The following SYNDIG1 variants were observed in gnomAD, a reference collection of about 807,000 sequenced individuals.
SYNDIG1 encodes the protein synapse differentiation inducing 1.
SYNDIG1 carries 9 observed loss-of-function variants against 19.4 expected under a neutral mutation model. The observed-to-expected ratio is 0.46, with a 90% CI of 0.28 to 0.81. The LOEUF is 0.81. SYNDIG1 is among the 30% of genes least tolerant of loss of function. The pLI is 0.12. For missense variants in SYNDIG1, 311 were observed against 343.3 expected (o/e 0.91, Z 0.74); for synonymous variants, 141 against 145.9 (o/e 0.97, Z 0.24).
At chr20:24,555,189 C>T (rs1251353416) in intron 2 of SYNDIG1, among the ~76,000 whole-genome samples, 4 of 152,038 alleles carry the variant, frequency 2.6e-5, no homozygotes, top group Non-Finnish European at 4.4e-5. Flanking sequence ...TTTGATTCTT[C>T]TCTCTTTTCT....
intron 2 of SYNDIG1, among the ~76,000 whole-genome samples, chr20:24,582,306 A>G (rs1202414993): frequency 3.5e-5 from 2 of 57,412 alleles, no homozygotes; most frequent in African/African-American, 1.5e-4. Flanking sequence ...TCCCCATTGC[A>G]CGCCCTCCCC....
At chr20:24,604,042 A>T (rs1319799307) in intron 3 of SYNDIG1, among the ~76,000 whole-genome samples, 1 of 152,198 alleles carries the variant, frequency 6.6e-6, no homozygotes, top group Non-Finnish European at 1.5e-5. Context: ...CATTTATCTT[A>T]CCAAAACAAA....
intron 2 of SYNDIG1, among the ~76,000 whole-genome samples, chr20:24,545,268 C>T (rs1246322670): frequency 6.6e-6 from 1 of 152,164 alleles, no homozygotes; most frequent in East Asian, 1.9e-4. Flanking sequence ...GACGTGATGC[C>T]TGGGCATCTG....
intron 1 of SYNDIG1, among the ~76,000 whole-genome samples, chr20:24,510,126 C>G (rs1006411368): frequency 1.3e-5 from 2 of 152,182 alleles, no homozygotes; most frequent in African/African-American, 2.4e-5. Context: ...CCTGTACAGG[C>G]TGCAAAACCA....
intron 3 of SYNDIG1, among the ~76,000 whole-genome samples, chr20:24,630,057 A>G (rs959251211): frequency 2.0e-5 from 3 of 152,244 alleles, no homozygotes; most frequent in Admixed American, 2.0e-4. Context: ...TGCATCATCT[A>G]TAAAGTGAGA....
At chr20:24,511,204 A>G (rs1316304846) in intron 1 of SYNDIG1, among the ~76,000 whole-genome samples, 9 of 152,126 alleles carry the variant, frequency 5.9e-5, no homozygotes. Context: ...TTGAATGTCA[A>G]CCTTTCTCCA....
In SYNDIG1 at chr20:24,663,740, T is replaced by G. The variant is rs112365733; in HGVS notation, c.619-1606T>G. Among the ~76,000 whole-genome samples, 5 of 152,298 alleles carry G rather than the reference T, an allele frequency of 3.3e-5. 1 individual carries two copies. Among genetic ancestry groups the G allele is most frequent in the African/African-American group, 9.6e-5 (4 of 41,560 alleles). On this transcript the variant is annotated intron_variant, in intron 3 of 3. Transcript: ENST00000376862. ...ATGAATGCTGCTGGCAGGTGCCCAG[T>G]CAGCTGTAGCAGCTCCACCTTCCTC... is the stretch of plus-strand genomic sequence containing the variant.
intron 2 of SYNDIG1, among the ~76,000 whole-genome samples, chr20:24,556,792 G>T (rs1001113575): frequency 3.3e-5 from 5 of 152,120 alleles, no homozygotes; most frequent in African/African-American, 1.2e-4. Context: ...TCTTGGAGTT[G>T]CTCTTCTCAA....
intron 2 of SYNDIG1, among the ~76,000 whole-genome samples, chr20:24,579,274 C>T (rs900220596): frequency 6.6e-5 from 10 of 152,136 alleles, no homozygotes; most frequent in Non-Finnish European, 1.3e-4. Flanking sequence ...CAAGTGATGG[C>T]AAGATGGTGT....
chr20:24,534,339 GC>G (rs1489167286), intron 1 of SYNDIG1, among the ~76,000 whole-genome samples: 1 of 152,176 alleles, frequency 6.6e-6, no homozygotes, highest in Non-Finnish European at 1.5e-5. Context: ...ACTCAGGGAA[GC>G]CCCAGGAGCC....
intron 1 of SYNDIG1, among the ~76,000 whole-genome samples, chr20:24,487,450 T>C (rs2055999932): frequency 6.6e-6 from 1 of 152,098 alleles, no homozygotes; most frequent in Non-Finnish European, 1.5e-5. Context: ...TACAGCCCCG[T>C]GGCCATGCTG....
At chr20:24,653,258 T>C (rs1170522593) in intron 3 of SYNDIG1, among the ~76,000 whole-genome samples, 5 of 152,034 alleles carry the variant, frequency 3.3e-5, no homozygotes. Flanking sequence ...GATCATGCAG[T>C]GTGGCTGAGT....
chr20:24,625,969 TG>T (rs1420028771), intron 3 of SYNDIG1, among the ~76,000 whole-genome samples: 1 of 136,934 alleles, frequency 7.3e-6, no homozygotes, highest in Non-Finnish European at 1.6e-5. Context: ...ACCTCCCGGA[TG>T]GGGCGGCTGG....
chr20:24,569,191 A>G (rs905877265), intron 2 of SYNDIG1, among the ~76,000 whole-genome samples: 7 of 152,188 alleles, frequency 4.6e-5, no homozygotes, highest in Admixed American at 2.0e-4. Context: ...CTGTGATTTG[A>G]CCACAGGAGG....
chr20:24,507,739 C>G (rs1475712018), intron 1 of SYNDIG1, among the ~76,000 whole-genome samples: 1 of 152,196 alleles, frequency 6.6e-6, no homozygotes, highest in Admixed American at 6.5e-5. Flanking sequence ...GGCCGAGGCT[C>G]CTCCTCCATT....
In SYNDIG1 at chr20:24,529,696, C is replaced by G. The variant is rs187539457; in HGVS notation, c.-78-13324C>G. Among the ~76,000 whole-genome samples the G allele has an allele frequency of 2.4e-4, 37 of 152,106 alleles. 1 individual carries two copies. The highest frequency in any genetic ancestry group is 6.8e-3 in the Middle Eastern group (2 of 294). On this transcript the variant is annotated intron_variant, in intron 1 of 3. Coordinates refer to ENST00000376862, the MANE Select transcript of SYNDIG1 (RefSeq NM_024893.3). ...GGTGTTAGATGTATTTGTTCTGTGGCCTTGATTTTCCAAATCCTGGCAGTA... is the reference window on the plus strand; with the variant it reads ...GGTGTTAGATGTATTTGTTCTGTGGGCTTGATTTTCCAAATCCTGGCAGTA...
chr20:24,581,230 G>A (rs998447865), intron 2 of SYNDIG1, among the ~76,000 whole-genome samples: 2 of 151,984 alleles, frequency 1.3e-5, no homozygotes, highest in Admixed American at 1.3e-4. Flanking sequence ...GTGAGTGGAC[G>A]TGTTTTAACC....
In SYNDIG1 at chr20:24,510,129, C is replaced by A. The variant is rs1316512183; in HGVS notation, c.-78-32891C>A. On this transcript the variant is annotated intron_variant, in intron 1 of 3. Coordinates refer to ENST00000376862, the MANE Select transcript of SYNDIG1 (RefSeq NM_024893.3). The stretch of plus-strand genomic sequence containing the variant: ...AGCACCATGCTTCCTGTACAGGCTG[C>A]AAAACCATGAGCCAAATACACCTCA... Among the ~76,000 whole-genome samples the A allele has an allele frequency of 2.6e-5, 4 of 152,184 alleles. No homozygotes were observed. In the East Asian group the frequency reaches 5.8e-4, roughly 22 times the overall value.
intron 3 of SYNDIG1, among the ~76,000 whole-genome samples, chr20:24,593,149 A>C (rs1369307659): frequency 6.6e-6 from 1 of 152,144 alleles, no homozygotes; most frequent in African/African-American, 2.4e-5. Flanking sequence ...TGTACAGCTT[A>C]TTTCATCACC....
Sources: allele counts gnomAD v4.1 joint callset (sites outside exome capture counted in the v4.1 genomes callset), GRCh38; gene constraint gnomAD v4.1.1; transcripts MANE v1.5; gene names NCBI Gene and HGNC (gene_info 2026-07-23, HGNC 2026-07-21).